The following CHD1L variants were observed in gnomAD, a reference collection of about 807,000 sequenced individuals.
CHD1L encodes ATP-dependent chromatin remodeler CHD1L.
Under a neutral mutation model 115.9 loss-of-function variants are expected in CHD1L, and 118 were observed. The ratio of observed to expected loss-of-function variants is 1.02; its 90% confidence interval spans 0.88 to 1.19. The LOEUF (loss-of-function observed/expected upper bound fraction) is 1.19. CHD1L is among the 50% of genes most tolerant of loss of function. The pLI, the probability that CHD1L is intolerant of heterozygous loss-of-function variation, is 0.00. For synonymous variants in CHD1L, 411 were observed against 387.1 expected, an observed-to-expected ratio of 1.06 and a Z score of -0.72; for missense variants, 1,179 against 1,065.3, an observed-to-expected ratio of 1.11 and a Z score of -1.49.
chr1:147,194,728 G>T, the CHD1L span, among the ~76,000 whole-genome samples: 1 of 151,856 alleles, frequency 6.6e-6, no homozygotes, highest in Admixed American at 6.6e-5. Context: ...CTCAGCATTT[G>T]CTTGTCTGTA....
chr1:147,267,367 T>A, intron 8 of CHD1L, 59 bp from the exon 9 acceptor site: 1 of 1,329,886 alleles, frequency 7.5e-7, no homozygotes, highest in Non-Finnish European at 1.1e-6. Context: ...AGGGTTTTGG[T>A]TTCTGTTTTG....
chr1:147,234,762 T>C, the CHD1L span, among the ~76,000 whole-genome samples: 47 of 152,366 alleles, frequency 3.1e-4, no homozygotes, highest in South Asian at 2.1e-4. Context: ...TTTAATGAGA[T>C]GAATTTATAC....
chr1:147,277,486 C>T (rs1363151371), intron 14 of CHD1L, among the ~76,000 whole-genome samples: 1 of 152,140 alleles, frequency 6.6e-6, no homozygotes, highest in Non-Finnish European at 1.5e-5. Flanking sequence ...TTAGTAATTA[C>T]AGGAAAGGCT....
At chr1:147,221,104 A>G in the CHD1L span, among the ~76,000 whole-genome samples, 1 of 137,354 alleles carries the variant, frequency 7.3e-6, no homozygotes. Context: ...ATTCTACAGC[A>G]TACCTGGCCC....
intron 14 of CHD1L, among the ~76,000 whole-genome samples, chr1:147,277,391 T>C (rs1678917995): frequency 6.6e-6 from 1 of 152,210 alleles, no homozygotes; most frequent in Admixed American, 6.5e-5. Context: ...TTTTCTTACA[T>C]GGTTACCGTA....
chr1:147,194,268 T>C, the CHD1L span, among the ~76,000 whole-genome samples: 1 of 152,306 alleles, frequency 6.6e-6, no homozygotes, highest in East Asian at 1.9e-4. Context: ...TTAATGGCCT[T>C]CTTTGTCTCT....
In CHD1L at chr1:147,255,912, A is replaced by T. The variant is rs781947289; in HGVS notation, c.447A>T (p.Leu149=). ...DLKQESRFHV[L]LTTYEICLKD... ...AACAGGAGTCACGTTTTCATGTGCT[A>T]CTGACTACCTATGAGGTATTCATTC... Residue 149 remains leucine, a synonymous_variant, in exon 4 of 23, where the codon CTA becomes CTT. Coordinates refer to ENST00000369258, the MANE Select transcript of CHD1L (RefSeq NM_004284.6). 2 of 1,612,768 alleles carry T rather than the reference A, an allele frequency of 1.2e-6. No homozygotes were observed. The highest frequency in any genetic ancestry group is 3.3e-5 in the Admixed American group (2 of 59,964).
the CHD1L span, chr1:147,179,369 T>C: frequency 6.2e-7 from 1 of 1,601,052 alleles, no homozygotes. Context: ...TATAAAGAAC[T>C]TGGCGAGAAG....
chr1:147,267,356 CAG>C, intron 8 of CHD1L, 68 bp from the exon 9 acceptor site: 1 of 1,149,030 alleles, frequency 8.7e-7, no homozygotes, highest in Non-Finnish European at 1.3e-6. Flanking sequence ...TGTAAAAACT[CAG>C]GGTTTTGGTT....
chr1:147,282,572 C>T (rs1339331614), intron 15 of CHD1L, among the ~76,000 whole-genome samples: 1 of 152,290 alleles, frequency 6.6e-6, no homozygotes, highest in East Asian at 1.9e-4. Flanking sequence ...ACTTTTTCAT[C>T]CACCATTGCC....
At chr1:147,179,205 C>G in the CHD1L span, 1 of 1,613,850 alleles carries the variant, frequency 6.2e-7, no homozygotes, top group Non-Finnish European at 8.5e-7. Flanking sequence ...TGAAGAGATA[C>G]CTGAAGTCTG....
chr1:147,242,919 C>G, intron 1 of CHD1L, 89 bp downstream of exon 1: 10 of 1,222,066 alleles, frequency 8.2e-6, no homozygotes, highest in Non-Finnish European at 1.0e-5. Flanking sequence ...GTGGGCCGCC[C>G]GGTGGGCAGT....
At chr1:147,273,099 AG>A (rs1231846953) in intron 12 of CHD1L, among the ~76,000 whole-genome samples, 25 of 152,108 alleles carry the variant, frequency 1.6e-4, no homozygotes, top group Admixed American at 1.5e-3. Flanking sequence ...ACTACTACGG[AG>A]GCTGAGGCAG....
the CHD1L span, among the ~76,000 whole-genome samples, chr1:147,222,763 C>T: frequency 2.0e-5 from 3 of 152,198 alleles, no homozygotes; most frequent in East Asian, 1.9e-4. Flanking sequence ...AAAACCTCCA[C>T]GTTAAGTCTT....
chr1:147,227,142 A>T, the CHD1L span, among the ~76,000 whole-genome samples: 1 of 152,212 alleles, frequency 6.6e-6, no homozygotes, highest in Admixed American at 6.5e-5. Context: ...AAAATATTTT[A>T]AAGACTAATA....
the CHD1L span, among the ~76,000 whole-genome samples, chr1:147,228,240 A>G: frequency 6.8e-6 from 1 of 146,176 alleles, no homozygotes; most frequent in Non-Finnish European, 1.5e-5. Flanking sequence ...ATTCCCACCT[A>G]TGACTGAGAA....
At chr1:147,223,931 G>T in the CHD1L span, 1 of 374,038 alleles carries the variant, frequency 2.7e-6, no homozygotes, top group Non-Finnish European at 5.2e-6. Context: ...TAGCAAAGGG[G>T]ATACCCCCAT....
chr1:147,272,420 T>C, intron 12 of CHD1L, 139 bp downstream of exon 12: 1 of 609,640 alleles, frequency 1.6e-6, no homozygotes, highest in South Asian at 2.3e-5. Context: ...GTACTGGACA[T>C]CAAGCATGGT....
chr1:147,231,852 G>A, the CHD1L span, among the ~76,000 whole-genome samples: 1 of 152,164 alleles, frequency 6.6e-6, no homozygotes, highest in Non-Finnish European at 1.5e-5. Context: ...GACTAGCAAA[G>A]GGAATTCCCT....
Sources: allele counts gnomAD v4.1 joint callset (sites outside exome capture counted in the v4.1 genomes callset), GRCh38; gene constraint gnomAD v4.1.1; transcripts MANE v1.5; gene names NCBI Gene and HGNC (gene_info 2026-07-23, HGNC 2026-07-21).